Variants in ZNF185 observed in about 807,000 individuals in gnomAD.
The protein encoded by ZNF185 is zinc finger protein 185 with LIM domain, also known as zinc finger protein 185.
A neutral mutation model predicts 58.6 loss-of-function variants in ZNF185; 56 were observed. The observed-to-expected ratio is 0.95, with a 90% CI of 0.77 to 1.19. The LOEUF (loss-of-function observed/expected upper bound fraction) is 1.19. Ranked by LOEUF, ZNF185 falls within the 50% of genes most tolerant of loss-of-function variation. The probability of loss-of-function intolerance (pLI) is 0.00; values close to 1 mark genes in which losing one functional copy is unlikely to be tolerated. For missense variants in ZNF185, 627 were observed against 573.5 expected (o/e 1.09, Z -0.95); for synonymous variants, 230 against 215.9 (o/e 1.07, Z -0.57).
At chrX:152,940,529 G>C (rs2047068157) in intron 15 of ZNF185, among the ~76,000 whole-genome samples, 1 of 111,195 alleles carries the variant, frequency 9.0e-6, no homozygotes, top group African/African-American at 3.3e-5. Flanking sequence ...GGAATCAATA[G>C]AAAGGAGTGC....
intron 16 of ZNF185, among the ~76,000 whole-genome samples, chrX:152,951,294 T>C (rs1603293125): frequency 8.9e-6 from 1 of 111,734 alleles, no homozygotes; most frequent in African/African-American, 3.2e-5. Flanking sequence ...AACCAACATT[T>C]TAATTTTATA....
chrX:152,970,246 G>GA (rs781850680), intron 21 of ZNF185, among the ~76,000 whole-genome samples, 197 bp from the exon 24 acceptor site: 175 of 110,003 alleles, frequency 1.6e-3, no homozygotes, highest in African/African-American at 5.4e-3. Context: ...ACTCCCTACT[G>GA]AAAAAAAAGG....
chrX:152,922,788 C>T (rs1940024139), exon 11 of ZNF185: 1 of 1,196,827 alleles, frequency 8.4e-7, no homozygotes. Flanking sequence ...ATGCCTAGCC[C>T]CGCTGGGAGC....
chrX:152,915,971 G>A (rs1316883561), intron 3 of ZNF185, among the ~76,000 whole-genome samples: 4 of 111,917 alleles, frequency 3.6e-5, no homozygotes, highest in African/African-American at 6.5e-5. Context: ...TAGTAACTAC[G>A]GTCTCTCTGT....
Position 152,918,046 on chromosome X carries a change from G to T in ZNF185, c.342-19G>T. 1 of 1,175,993 alleles carries T rather than the reference G, an allele frequency of 8.5e-7. No individual in the cohort carries two copies. The highest frequency in any genetic ancestry group is 1.9e-5 in the South Asian group (1 of 53,075). ...GGAGGGAGCCTGCAGGTAGACACAT[G>T]GAACCTTCTCCTCTCTAGTGCTGCC... On this transcript the variant is annotated intron_variant, in intron 5 of 22. Coordinates refer to ENST00000449285, the Ensembl canonical transcript of ZNF185.
chrX:152,939,472 A>C (rs1485191711), intron 15 of ZNF185, among the ~76,000 whole-genome samples: 1 of 112,218 alleles, frequency 8.9e-6, no homozygotes, highest in African/African-American at 3.2e-5. Flanking sequence ...GGCTCTAAGA[A>C]AATCCTCAGG....
chrX:152,968,174 G>C (rs1488118077), intron 20 of ZNF185, among the ~76,000 whole-genome samples: 1 of 112,453 alleles, frequency 8.9e-6, no homozygotes. Flanking sequence ...GAAGCAGGTG[G>C]TTCTGAGTAA....
At chrX:152,927,189 C>G (rs1941019763) in intron 11 of ZNF185, among the ~76,000 whole-genome samples, 1 of 112,757 alleles carries the variant, frequency 8.9e-6, no homozygotes. Context: ...GGGTTTTATA[C>G]TGTCATCATA....
chrX:152,900,770 C>A, the ZNF185 span, among the ~76,000 whole-genome samples: 2 of 112,366 alleles, frequency 1.8e-5, no homozygotes, highest in Non-Finnish European at 3.8e-5. Context: ...GTGAGGGTGG[C>A]ACCTTCATAG....
chrX:152,922,512 C>T (rs1603207882), intron 10 of ZNF185, among the ~76,000 whole-genome samples: 1 of 112,061 alleles, frequency 8.9e-6, no homozygotes, highest in African/African-American at 3.2e-5. Context: ...TCTGTGTCAC[C>T]TTAACCCTTG....
the ZNF185 span, among the ~76,000 whole-genome samples, chrX:152,901,475 CAT>C: frequency 9.1e-6 from 1 of 109,678 alleles, no homozygotes; most frequent in Non-Finnish European, 1.9e-5. Flanking sequence ...ATTTAAAACT[CAT>C]AGAAAAGTTG....
At chrX:152,899,598 G>A in the ZNF185 span, among the ~76,000 whole-genome samples, 3 of 113,012 alleles carry the variant, frequency 2.7e-5, no homozygotes, top group South Asian at 3.6e-4. Context: ...CAGACACGCA[G>A]CAGGTGCTCA....
the ZNF185 span, among the ~76,000 whole-genome samples, chrX:152,904,953 G>A: frequency 1.4e-3 from 163 of 112,615 alleles, no homozygotes; most frequent in African/African-American, 5.1e-3. Flanking sequence ...TGGGCACAGA[G>A]CATTCTCTTT....
intron 6 of ZNF185, among the ~76,000 whole-genome samples, chrX:152,918,555 C>T (rs950977124): frequency 8.9e-6 from 1 of 112,770 alleles, no homozygotes; most frequent in Non-Finnish European, 1.9e-5. Flanking sequence ...CAGGGTGCTG[C>T]TGTCAGTCTG....
the ZNF185 span, among the ~76,000 whole-genome samples, chrX:152,907,275 T>A: frequency 9.0e-6 from 1 of 111,448 alleles, no homozygotes; most frequent in South Asian, 3.7e-4. Context: ...TCAGCTCCCC[T>A]CTCACTCCAC....
At chrX:152,927,310 GGC>G (rs1941048166) in intron 11 of ZNF185, among the ~76,000 whole-genome samples, 2 of 111,877 alleles carry the variant, frequency 1.8e-5, no homozygotes, top group Non-Finnish European at 3.8e-5. Context: ...TGATGGGAGA[GGC>G]CTTGTCCTTG....
At chrX:152,933,432 C>A (rs782041432) in intron 14 of ZNF185, among the ~76,000 whole-genome samples, 1 of 112,272 alleles carries the variant, frequency 8.9e-6, no homozygotes, top group African/African-American at 3.2e-5. Flanking sequence ...CCATCCCTAC[C>A]CCAGGCAGCT....
At chrX:152,944,823 G>GAA (rs371609256) in intron 15 of ZNF185, among the ~76,000 whole-genome samples, 39 of 101,018 alleles carry the variant, frequency 3.9e-4, no homozygotes, top group Non-Finnish European at 2.8e-4. Context: ...TGTCTCTACA[G>GAA]AAAAAAAAAA....
At chrX:152,960,187 A>G (rs2049315892) in intron 17 of ZNF185, among the ~76,000 whole-genome samples, 1 of 111,864 alleles carries the variant, frequency 8.9e-6, no homozygotes, top group South Asian at 3.7e-4. Flanking sequence ...GGGTCAGGGG[A>G]GGGATATAGG....
Sources: allele counts gnomAD v4.1 joint callset (sites outside exome capture counted in the v4.1 genomes callset), GRCh38; gene constraint gnomAD v4.1.1; transcripts MANE v1.5; gene names NCBI Gene and HGNC (gene_info 2026-07-23, HGNC 2026-07-21).